HBS1L: variants seen among roughly 807,000 people sequenced by gnomAD.
HBS1L encodes HBS1-like protein.
A neutral mutation model predicts 88.9 loss-of-function variants in HBS1L; 55 were observed. The observed-to-expected ratio is 0.62, with a 90% CI of 0.50 to 0.77. HBS1L has a LOEUF of 0.77. Ranked by LOEUF, HBS1L falls within the 30% of genes least tolerant of loss-of-function variation. HBS1L has a pLI of 0.00. For synonymous variants in HBS1L, 267 were observed against 288.5 expected (o/e 0.93, Z 0.76); for missense variants, 741 against 829.3 (o/e 0.89, Z 1.31).
chr6:134,987,602 T>A, intron 9 of HBS1L, 43 bp downstream of exon 9: 1 of 1,494,636 alleles, frequency 6.7e-7, no homozygotes, highest in Non-Finnish European at 9.1e-7. Flanking sequence ...GAATAACATC[T>A]TAATTAGCAT....
chr6:134,985,247 C>T, intron 12 of HBS1L, 94 bp downstream of exon 12: 2 of 663,224 alleles, frequency 3.0e-6, no homozygotes, highest in East Asian at 5.5e-5. Flanking sequence ...ACTCTGAAGG[C>T]AATATACTGT....
chr6:134,992,273 G>A (rs1431584104), intron 8 of HBS1L, among the ~76,000 whole-genome samples: 9 of 152,084 alleles, frequency 5.9e-5, no homozygotes, highest in Non-Finnish European at 1.5e-5. Flanking sequence ...GCATAATGAC[G>A]TTTTGGTCAA....
intron 8 of HBS1L, 129 bp from the exon 9 acceptor site, chr6:134,987,920 C>G: frequency 1.6e-6 from 1 of 635,088 alleles, no homozygotes; most frequent in African/African-American, 1.9e-5. Context: ...CAAAGCAAAT[C>G]AAACAAAAGA....
intron 4 of HBS1L, chr6:135,036,996 A>G: frequency 1.3e-6 from 2 of 1,551,532 alleles, no homozygotes; most frequent in Non-Finnish European, 1.7e-6. Flanking sequence ...CAATATTTGA[A>G]TCTATTCCAG....
chr6:134,972,707 G>A (rs1239744045), intron 15 of HBS1L, among the ~76,000 whole-genome samples: 1 of 152,134 alleles, frequency 6.6e-6, no homozygotes, highest in Non-Finnish European at 1.5e-5. Context: ...AATAAGGGAT[G>A]ATATTAAGAA....
intron 15 of HBS1L, among the ~76,000 whole-genome samples, chr6:134,970,991 A>C (rs1390911211): frequency 6.6e-6 from 1 of 152,062 alleles, no homozygotes; most frequent in Non-Finnish European, 1.5e-5. Context: ...TGGCACTTCT[A>C]CTCTGGAATT....
At chr6:135,011,347 CCA>C (rs1775767169) in intron 4 of HBS1L, among the ~76,000 whole-genome samples, 1 of 151,822 alleles carries the variant, frequency 6.6e-6, no homozygotes, top group African/African-American at 2.4e-5. Context: ...GACCCTGTCT[CCA>C]CACACACAAA....
Position 134,981,892 on chromosome 6 carries a change from C to T in HBS1L, c.1597+566G>A, listed in dbSNP as rs147627820. 1.3e-3 allele frequency among the ~76,000 whole-genome samples: 198 copies of T among 151,952 alleles called. 2 individuals carry two copies. The highest frequency in any genetic ancestry group is 4.4e-3 in the African/African-American group (181 of 41,502). On this transcript the variant is annotated intron_variant, in intron 13 of 17. Coordinates refer to ENST00000367837, the MANE Select transcript of HBS1L (RefSeq NM_006620.4). The stretch of plus-strand genomic sequence containing the variant: ...TCAGTCATTATGAAAAAAATTAGAT[C>T]TATATGCAGAAACAGTGACTGGCAA...
intron 4 of HBS1L, among the ~76,000 whole-genome samples, chr6:135,010,229 C>G (rs796246050): frequency 2.6e-5 from 4 of 152,240 alleles, no homozygotes; most frequent in African/African-American, 9.6e-5. Flanking sequence ...AGACAATTCA[C>G]AGAACTTGAG....
Position 135,042,092 on chromosome 6 carries a change from A to C in HBS1L, c.144T>G (p.Pro48=), listed in dbSNP as rs200024188. 110 of 1,613,284 alleles carry C rather than the reference A, an allele frequency of 6.8e-5. No homozygotes were observed. In the East Asian group the frequency reaches 1.3e-3, roughly 20 times the overall value. Reference sequence around the variant, plus strand: ...CATATTCTTCCACAGGCTCAACGGAAGGTTTGTCACGCCGTGAATAAATAA... The same window carrying C: ...CATATTCTTCCACAGGCTCAACGGACGGTTTGTCACGCCGTGAATAAATAA... The part of the protein sequence containing the change: ...AQFIYSRRDK[P]SVEPVEEYDY... Residue 48 remains proline, a synonymous_variant, in exon 3 of 18, where the codon CCT becomes CCG. Coordinates refer to ENST00000367837, the MANE Select transcript of HBS1L (RefSeq NM_006620.4).
intron 4 of HBS1L, among the ~76,000 whole-genome samples, chr6:135,027,892 G>A (rs977252786): frequency 1.3e-5 from 2 of 151,782 alleles, no homozygotes; most frequent in Non-Finnish European, 2.9e-5. Flanking sequence ...AGCCTCCCAA[G>A]TAGCTGGGAT....
At chr6:134,981,315 A>G (rs1415396820) in intron 13 of HBS1L, among the ~76,000 whole-genome samples, 5 of 152,082 alleles carry the variant, frequency 3.3e-5, no homozygotes, top group African/African-American at 9.6e-5. Context: ...AGATCTATAG[A>G]AAATGACACT....
At chr6:135,051,630 T>C (rs916047538) in intron 1 of HBS1L, among the ~76,000 whole-genome samples, 4 of 152,206 alleles carry the variant, frequency 2.6e-5, no homozygotes, top group African/African-American at 9.6e-5. Context: ...CCAGCACACT[T>C]ACCCAATTTA....
rs1237484569 is a variant in HBS1L, at chr6:135,054,749, G to A, written c.-58C>T. The A allele has an allele frequency of 1.9e-6, 3 of 1,602,046 alleles. No homozygotes were observed. Among genetic ancestry groups the A allele is most frequent in the African/African-American group, 1.3e-5 (1 of 74,682 alleles). ...AACTCCTTCCAAAACACTCCGCTTA[G>A]ATACTGATAAGGCGCCAACTGCAGC... On this transcript the variant is annotated 5_prime_UTR_variant, in exon 1 of 18. Transcript: ENST00000367837.
At chr6:135,043,223 T>C (rs190794259) in intron 2 of HBS1L, among the ~76,000 whole-genome samples, 1 of 152,362 alleles carries the variant, frequency 6.6e-6, no homozygotes, top group East Asian at 1.9e-4. Context: ...CTGGACACTG[T>C]GTTCAATTGT....
At chr6:135,032,934 G>GAAAAAGGAAAAGTTT (rs6149819) in intron 4 of HBS1L, among the ~76,000 whole-genome samples, 79,175 of 151,630 alleles carry the variant, frequency 0.52, 20,799 homozygotes, top group South Asian at 0.56. Context: ...TAGTAACTAG[G>GAAAAAGGAAAAGTTT]AAAAAGGAAA....
intron 4 of HBS1L, among the ~76,000 whole-genome samples, chr6:135,035,029 GA>G (rs1409316234): frequency 1.3e-5 from 2 of 152,170 alleles, no homozygotes; most frequent in African/African-American, 4.8e-5. Flanking sequence ...TGCTTTAAGG[GA>G]TGAATTACAT....
At chr6:135,041,330 T>A (rs1010908052) in intron 3 of HBS1L, among the ~76,000 whole-genome samples, 1 of 151,964 alleles carries the variant, frequency 6.6e-6, no homozygotes, top group South Asian at 2.1e-4. Context: ...CAAAATAGTA[T>A]AGCTAGCTAG....
chr6:135,054,633 T>A lies in HBS1L; in HGVS notation c.43+16A>T. The A allele has an allele frequency of 6.2e-7, 1 of 1,614,112 alleles. No individual in the cohort carries two copies. Among genetic ancestry groups the A allele is most frequent in the Non-Finnish European group, 8.5e-7 (1 of 1,179,936 alleles). On this transcript the variant is annotated intron_variant, in intron 1 of 17. Transcript: ENST00000367837. ...TAGCCGGGAAAAGAACGTCCCGGCA[T>A]GACCCTGCCACCTACCTTCATCGTA...
Sources: gnomAD v4.1 joint callset for allele counts (sites outside exome capture counted in the v4.1 genomes callset) on GRCh38, gnomAD v4.1.1 for gene constraint, MANE v1.5 for transcripts, NCBI Gene and HGNC (gene_info 2026-07-23, HGNC 2026-07-21) for gene names.